Variants in ARHGAP23 observed in about 807,000 individuals in gnomAD.
ARHGAP23 encodes the protein Rho GTPase activating protein 23, also known as rho GTPase-activating protein 23.
Under a neutral mutation model 136.3 loss-of-function variants are expected in ARHGAP23, and 34 were observed. That is an observed-to-expected ratio of 0.25 (90% CI 0.19 to 0.33). The LOEUF is 0.33. ARHGAP23 is among the 10% of genes least tolerant of loss of function. The pLI is 1.00. For synonymous variants in ARHGAP23, 832 were observed against 920.5 expected, an observed-to-expected ratio of 0.90 and a Z score of 1.74; for missense variants, 1,808 against 2,139.0, an observed-to-expected ratio of 0.85 and a Z score of 3.05.
intron 1 of ARHGAP23, among the ~76,000 whole-genome samples, chr17:38,445,500 A>G (rs1326664977): frequency 6.6e-6 from 1 of 152,000 alleles, no homozygotes; most frequent in Non-Finnish European, 1.5e-5. Context: ...ATATATATAT[A>G]TAAAACAAAA....
rs555637438 is a variant in ARHGAP23, at chr17:38,454,044, C to T, written c.64-4058C>T. 3 of 148,056 alleles carry T rather than the reference C, an allele frequency of 2.0e-5. No homozygotes were observed. In the East Asian group the frequency reaches 5.9e-4, roughly 29 times the overall value. The allele number at this position is 148,056 out of a possible 1,614,324, so 9.2% of individuals were successfully genotyped here. On this transcript the variant is annotated intron_variant, in intron 1 of 23. Transcript: ENST00000622683. ...CCGGGGGCTGGCGCTGGGAGCGCGC[C>T]GTCGGCGTGGACTGCAGCGCCCCGG...
At chr17:38,494,564 A>G (rs545712639) in intron 20 of ARHGAP23, among the ~76,000 whole-genome samples, 2 of 152,284 alleles carry the variant, frequency 1.3e-5, no homozygotes, top group South Asian at 4.1e-4. Context: ...ACCCTGACAC[A>G]CACACACACA....
At chr17:38,425,874 C>T (rs771378883), upstream of ARHGAP23, among the ~76,000 whole-genome samples, 13 of 147,392 alleles carry the variant, frequency 8.8e-5, no homozygotes, top group East Asian at 2.0e-4. Flanking sequence ...GTGGGAAGGG[C>T]GGCAGGGTGG....
chr17:38,488,969 G>A (rs547870668), intron 17 of ARHGAP23, among the ~76,000 whole-genome samples: 2 of 152,148 alleles, frequency 1.3e-5, no homozygotes, highest in East Asian at 1.9e-4. Flanking sequence ...TCCGCCTCCC[G>A]GGTTCAAGCC....
At chr17:38,501,388 G>A (rs1372784507) in intron 23 of ARHGAP23, among the ~76,000 whole-genome samples, 3 of 151,932 alleles carry the variant, frequency 2.0e-5, no homozygotes, top group Admixed American at 6.6e-5. Context: ...TGCAAGCTCC[G>A]CCTCCCAGGT....
chr17:38,455,439 A>C (rs1429426554), intron 1 of ARHGAP23, among the ~76,000 whole-genome samples: 1 of 152,086 alleles, frequency 6.6e-6, no homozygotes, highest in Non-Finnish European at 1.5e-5. Context: ...CTTGGTGAGG[A>C]GGGGACCCGG....
chr17:38,485,220 C>T (rs978972477), intron 16 of ARHGAP23, among the ~76,000 whole-genome samples: 24 of 152,170 alleles, frequency 1.6e-4, no homozygotes, highest in Non-Finnish European at 3.4e-4. Context: ...TCCCTGGCCT[C>T]GATCCACTAG....
At chr17:38,471,465 A>T (rs550183971) in intron 10 of ARHGAP23, among the ~76,000 whole-genome samples, 1 of 152,334 alleles carries the variant, frequency 6.6e-6, no homozygotes, top group East Asian at 1.9e-4. Flanking sequence ...CTCCTCGTGG[A>T]CATGACTACC....
chr17:38,510,124 C>T lies in ARHGAP23; in HGVS notation c.3628C>T (p.Gln1210Ter). The T allele has an allele frequency of 7.9e-7, 1 of 1,266,670 alleles. No homozygotes were observed. Among genetic ancestry groups the T allele is most frequent in the Non-Finnish European group, 9.9e-7 (1 of 1,012,534 alleles). 78.5% of individuals were successfully genotyped at this position (1,266,670 alleles called of 1,614,324 possible). A position where few individuals can be genotyped will look rare whatever the true frequency, so the allele number is the denominator to read the frequency against. ...GGCGGGGGCCACAGCGCCGGGGACTCAGGAGCGGCCGCAGGGGCCGCTGCC... is the reference window on the plus strand; with the variant it reads ...GGCGGGGGCCACAGCGCCGGGGACTTAGGAGCGGCCGCAGGGGCCGCTGCC... ...PGAGATAPGT[Q>*]ERPQGPLPGA... is the part of the protein sequence containing the mutation. The change falls in exon 24 of 24, where the codon CAG (glutamine) becomes TAG (stop). Residue 1210 changes from glutamine to a stop codon, truncating the protein, a stop_gained. Transcript: ENST00000622683. LOFTEE classifies it high-confidence loss of function. The surrounding 1 kb of genome is among the most constrained non-coding windows in gnomAD (Gnocchi z 4.6).
intron 16 of ARHGAP23, among the ~76,000 whole-genome samples, chr17:38,483,123 T>A (rs1332214052): frequency 1.3e-5 from 2 of 152,200 alleles, no homozygotes; most frequent in Admixed American, 6.5e-5. Context: ...CTCTGTTGCG[T>A]TCCCCCCTTC....
intron 21 of ARHGAP23, 37 bp downstream of exon 21, chr17:38,497,863 G>A (rs2040427653): frequency 6.5e-7 from 1 of 1,549,138 alleles, no homozygotes; most frequent in Non-Finnish European, 8.7e-7. Flanking sequence ...CATGGGGGCT[G>A]GTCTGGGGTG....
At chr17:38,497,675 T>C (rs2040422531) in intron 20 of ARHGAP23, 110 bp from the exon 21 acceptor site, 4 of 1,148,342 alleles carry the variant, frequency 3.5e-6, no homozygotes, top group Non-Finnish European at 5.1e-6. Flanking sequence ...CTGGGGTTTG[T>C]TGAGAGAGAG....
In ARHGAP23 at chr17:38,510,170, C is replaced by A. The variant is rs771494496; in HGVS notation, c.3674C>A (p.Ala1225Asp). ...GPLPGAVAPE[A>D]PGRLSPPAAP... ...CTGCCTGGCGCCGTCGCCCCCGAGG[C>A]CCCCGGACGCCTCAGTCCCCCGGCG... is the stretch of plus-strand genomic sequence containing the variant. Residue 1225 changes from alanine to aspartate, a missense_variant, in exon 24 of 24, where the codon GCC (alanine) becomes GAC (aspartate). By Grantham distance (126) the Ala-to-Asp change is moderately radical. Around this residue, in one of 7 missense-constraint regions of ARHGAP23, gnomAD observed 506 missense variants for 455.8 expected, o/e 1.11. Transcript: ENST00000622683. The surrounding 1 kb of genome is among the most constrained non-coding windows in gnomAD (Gnocchi z 4.6). 2.3e-6 allele frequency: 3 copies of A among 1,306,594 alleles called. No individual in the cohort carries two copies. 80.9% of individuals were successfully genotyped at this position (1,306,594 alleles called of 1,614,324 possible).
intron 23 of ARHGAP23, among the ~76,000 whole-genome samples, chr17:38,506,332 A>G (rs115244837): frequency 0.011 from 1,666 of 152,292 alleles, 35 homozygotes; most frequent in African/African-American, 0.038. Flanking sequence ...ACAACCAGCA[A>G]GTCGCCTGCT....
At chr17:38,449,602 C>T (rs1353366241) in intron 1 of ARHGAP23, among the ~76,000 whole-genome samples, 1 of 152,144 alleles carries the variant, frequency 6.6e-6, no homozygotes, top group Non-Finnish European at 1.5e-5. Flanking sequence ...CAGGCGTGGG[C>T]GGGGCGGGCA....
At chr17:38,482,822 A>C (rs1390207084) in intron 16 of ARHGAP23, 144 bp downstream of exon 16, 7 of 1,077,442 alleles carry the variant, frequency 6.5e-6, no homozygotes, top group Non-Finnish European at 2.6e-6. Flanking sequence ...CAAGATGGGC[A>C]AGATGGGACC....
chr17:38,424,114 G>A (rs972602556), upstream of ARHGAP23, among the ~76,000 whole-genome samples: 1 of 152,148 alleles, frequency 6.6e-6, no homozygotes, highest in Non-Finnish European at 1.5e-5. Flanking sequence ...GGTGCAGCAC[G>A]AATTTGAACC....
At chr17:38,498,198 C>A (rs529792818) in intron 21 of ARHGAP23, among the ~76,000 whole-genome samples, 2 of 152,128 alleles carry the variant, frequency 1.3e-5, no homozygotes, top group African/African-American at 4.8e-5. Flanking sequence ...CTGGCCTTCG[C>A]GGTTCCCAGG....
At chr17:38,491,940 C>T (rs529853232) in intron 20 of ARHGAP23, among the ~76,000 whole-genome samples, 2 of 152,288 alleles carry the variant, frequency 1.3e-5, no homozygotes, top group East Asian at 3.9e-4. Context: ...TATCAGGAGG[C>T]CCCGGCTCTA....
Sources: gnomAD v4.1 joint callset for allele counts (sites outside exome capture counted in the v4.1 genomes callset) on GRCh38, gnomAD v4.1.1 for gene constraint, gnomAD v4.1.1 regional missense constraint, Gnocchi (gnomAD v3.1) non-coding constraint, MANE v1.5 for transcripts, NCBI Gene and HGNC (gene_info 2026-07-23, HGNC 2026-07-21) for gene names.